NCKAP1: variants seen among roughly 807,000 people sequenced by gnomAD.
NCKAP1 encodes the protein NCK associated protein 1.
A neutral mutation model predicts 151.2 loss-of-function variants in NCKAP1; 21 were observed. The observed-to-expected ratio is 0.14, with a 90% CI of 0.10 to 0.20. The LOEUF (loss-of-function observed/expected upper bound fraction) is 0.20, where lower values mean the gene tolerates loss of function less well. Among genes scored for constraint, NCKAP1 ranks in the 10% least tolerant of loss-of-function variants. NCKAP1 has a pLI of 1.00. For missense variants in NCKAP1, 933 were observed against 1,352.1 expected (o/e 0.69, Z 4.86); for synonymous variants, 484 against 451.8 (o/e 1.07, Z -0.90).
At chr2:182,981,768 G>C (rs1273126963) in intron 12 of NCKAP1, among the ~76,000 whole-genome samples, 1 of 151,722 alleles carries the variant, frequency 6.6e-6, no homozygotes, top group Admixed American at 6.6e-5. Context: ...AGTTAGCTGG[G>C]CATGGTGGTG....
intron 18 of NCKAP1, among the ~76,000 whole-genome samples, chr2:182,960,568 T>C (rs1467330540): frequency 6.6e-6 from 1 of 152,174 alleles, no homozygotes; most frequent in African/African-American, 2.4e-5. Flanking sequence ...TTACACCTTA[T>C]ACAAAAGTTA....
At chr2:182,958,733 C>G (rs1326681909) in intron 18 of NCKAP1, among the ~76,000 whole-genome samples, 1 of 152,132 alleles carries the variant, frequency 6.6e-6, no homozygotes. Flanking sequence ...AAAAACCACA[C>G]AGGTACAAAT....
rs1334172036 is a variant in NCKAP1 at position 182,916,203 on chromosome 2, G to C, written c.*9499C>G. On this transcript the variant is annotated 3_prime_UTR_variant, in exon 31 of 31. Coordinates refer to ENST00000361354, the MANE Select transcript of NCKAP1 (RefSeq NM_013436.5). The stretch of plus-strand genomic sequence containing the variant: ...AAAAAAAAAAAAAACATGTCTCTGT[G>C]TCATCACTGAGCTGCTGCTATTACA... The C allele has an allele frequency of 7.0e-6, 1 of 141,950 alleles. No individual in the cohort carries two copies. The highest frequency in any genetic ancestry group is 2.6e-5 in the African/African-American group (1 of 38,790). The allele number at this position is 141,950 out of a possible 1,614,324, so 8.8% of individuals were successfully genotyped here.
At position 182,916,169 on chromosome 2, in the gene NCKAP1, C is replaced by CAAAAAAAAAAA. The variant is rs760047982; in HGVS notation, c.*9522_*9532dup. 2 of 87,908 alleles carry CAAAAAAAAAAA rather than the reference C, an allele frequency of 2.3e-5. No individual in the cohort carries two copies. The highest frequency in any genetic ancestry group is 4.2e-5 in the Non-Finnish European group (2 of 48,168). 5.4% of individuals were successfully genotyped at this position (87,908 alleles called of 1,614,324 possible). ...ACCTTGCTTCCCCTTCGCCTTCTGT[C>CAAAAAAAAAAA]AAAAAAAAAAAAAAAAAAAAAACAT... On this transcript the variant is annotated 3_prime_UTR_variant, in exon 31 of 31. Coordinates refer to ENST00000361354, the MANE Select transcript of NCKAP1 (RefSeq NM_013436.5).
chr2:183,022,540 A>T (rs1361370914), intron 2 of NCKAP1, among the ~76,000 whole-genome samples: 1 of 152,164 alleles, frequency 6.6e-6, no homozygotes, highest in Non-Finnish European at 1.5e-5. Flanking sequence ...TAATTCCAGC[A>T]CTTTAAGAGG....
chr2:182,967,167 T>C (rs753218858), intron 16 of NCKAP1, 49 bp downstream of exon 16: 9 of 1,516,160 alleles, frequency 5.9e-6, no homozygotes, highest in Non-Finnish European at 1.8e-6. Flanking sequence ...GAAACATATA[T>C]CGCATACTAA....
In NCKAP1 at chr2:182,914,398, T is replaced by C. The variant is rs1462031378; in HGVS notation, c.*11304A>G. 2 of 152,204 alleles carry C rather than the reference T, an allele frequency of 1.3e-5. No homozygotes were observed. Among genetic ancestry groups the C allele is most frequent in the African/African-American group, 4.8e-5 (2 of 41,456 alleles). The allele number at this position is 152,204 out of a possible 1,614,324, so 9.4% of individuals were successfully genotyped here. A position where few individuals can be genotyped will look rare whatever the true frequency, so the allele number is the denominator to read the frequency against. ...AATACATACCTGCTGCCAGGATGAA[T>C]AGATTAAAACAGGCAATTTCTATTT... On this transcript the variant is annotated 3_prime_UTR_variant, in exon 31 of 31. Coordinates refer to ENST00000361354, the MANE Select transcript of NCKAP1 (RefSeq NM_013436.5).
chr2:183,000,779 G>T (rs1285526199), intron 6 of NCKAP1, among the ~76,000 whole-genome samples: 1 of 152,082 alleles, frequency 6.6e-6, no homozygotes, highest in Admixed American at 6.6e-5. Context: ...AAAATTATTG[G>T]TGTTAACTGT....
In NCKAP1 at chr2:183,025,098, A is replaced by C. The variant is rs142852399; in HGVS notation, c.109-1182T>G. The C allele has an allele frequency of 1.3e-5, 13 of 1,013,480 alleles. No individual in the cohort carries two copies. In the East Asian group the frequency reaches 3.1e-4, roughly 24 times the overall value. 62.8% of individuals were successfully genotyped at this position (1,013,480 alleles called of 1,614,324 possible). ...GAAAACTTATGCACTGCAGACTATG[A>C]ATAACAGAACAAGATTAGAATTATA... On this transcript the variant is annotated intron_variant, in intron 1 of 30. Coordinates refer to ENST00000361354, the MANE Select transcript of NCKAP1 (RefSeq NM_013436.5).
rs552617560 is a variant in NCKAP1 at position 182,979,041 on chromosome 2, A to G, written c.1342-126T>C. 7 of 473,746 alleles carry G rather than the reference A, an allele frequency of 1.5e-5. No individual in the cohort carries two copies. In the South Asian group the frequency reaches 3.4e-4, roughly 23 times the overall value. The allele number at this position is 473,746 out of a possible 1,614,324, so 29.3% of individuals were successfully genotyped here. A position where few individuals can be genotyped will look rare whatever the true frequency, so the allele number is the denominator to read the frequency against. Reference sequence around the variant, plus strand: ...TATGGAATATTTTTCAGTAATAAAAAAGAAATGAAATTTTAACACACACCA... The same window carrying G: ...TATGGAATATTTTTCAGTAATAAAAGAGAAATGAAATTTTAACACACACCA... On this transcript the variant is annotated intron_variant, in intron 13 of 30. Coordinates refer to ENST00000361354, the MANE Select transcript of NCKAP1 (RefSeq NM_013436.5).
intron 26 of NCKAP1, among the ~76,000 whole-genome samples, chr2:182,933,764 G>A (rs2105803136): frequency 6.6e-6 from 1 of 152,160 alleles, no homozygotes; most frequent in Non-Finnish European, 1.5e-5. Context: ...AAGGAGTTTA[G>A]ACACTATTTT....
intron 6 of NCKAP1, among the ~76,000 whole-genome samples, chr2:182,996,504 C>A (rs1013252403): frequency 6.6e-6 from 1 of 152,154 alleles, no homozygotes; most frequent in Non-Finnish European, 1.5e-5. Context: ...TTTGCCCAAG[C>A]TGGAGTGCAG....
intron 30 of NCKAP1, 25 bp from the exon 31 acceptor site, chr2:182,925,843 A>C: frequency 7.6e-7 from 1 of 1,321,892 alleles, no homozygotes; most frequent in Non-Finnish European, 1.0e-6. Context: ...AAATCCATCA[A>C]AACAAGTTAT....
Position 182,913,873 on chromosome 2 carries a change from AC to A in NCKAP1, c.*11828del, listed in dbSNP as rs745580940. 1 of 152,228 alleles carries A rather than the reference AC, an allele frequency of 6.6e-6. No homozygotes were observed. Among genetic ancestry groups the A allele is most frequent in the Non-Finnish European group, 1.5e-5 (1 of 68,098 alleles). The allele number at this position is 152,228 out of a possible 1,614,324, so 9.4% of individuals were successfully genotyped here. A position where few individuals can be genotyped will look rare whatever the true frequency, so the allele number is the denominator to read the frequency against. On this transcript the variant is annotated 3_prime_UTR_variant, in exon 31 of 31. Transcript: ENST00000361354. Reference sequence around the variant, plus strand: ...CTCTGCCCCCACAGCCTGTGGAAATACAGGAAACTTCACAATGGTGCACAGT... The same window carrying A: ...CTCTGCCCCCACAGCCTGTGGAAATAAGGAAACTTCACAATGGTGCACAGT...
intron 2 of NCKAP1, among the ~76,000 whole-genome samples, chr2:183,006,959 C>A (rs1401583087): frequency 6.6e-6 from 1 of 152,064 alleles, no homozygotes; most frequent in Non-Finnish European, 1.5e-5. Flanking sequence ...GCAATCTCTG[C>A]CTTCCGAGTT....
chr2:182,989,983 C>T (rs889024217), intron 8 of NCKAP1, among the ~76,000 whole-genome samples: 1 of 150,768 alleles, frequency 6.6e-6, no homozygotes, highest in Non-Finnish European at 1.5e-5. Context: ...GAGCAAGACT[C>T]TGTCTCAAAA....
At chr2:182,970,609 G>C (rs1697667397) in intron 15 of NCKAP1, among the ~76,000 whole-genome samples, 1 of 152,036 alleles carries the variant, frequency 6.6e-6, no homozygotes, top group Non-Finnish European at 1.5e-5. Flanking sequence ...AACAAACTAG[G>C]TATGGAAGAA....
Position 182,928,968 on chromosome 2 carries a change from A to C in NCKAP1, c.2954-69T>G. The C allele has an allele frequency of 3.0e-6, 3 of 983,774 alleles. No homozygotes were observed. The South Asian group carries it at 5.1e-5, about 17-fold the overall frequency. The allele number at this position is 983,774 out of a possible 1,614,324, so 60.9% of individuals were successfully genotyped here. ...GATTAGTTAAGATTTGATAATCTAAACTAAACAGATTTTTATTTTAAAAAT... is the reference window on the plus strand; with the variant it reads ...GATTAGTTAAGATTTGATAATCTAACCTAAACAGATTTTTATTTTAAAAAT... On this transcript the variant is annotated intron_variant, in intron 27 of 30. Transcript: ENST00000361354.
chr2:182,980,918 T>G (rs1020856436), intron 13 of NCKAP1, among the ~76,000 whole-genome samples: 9 of 152,174 alleles, frequency 5.9e-5, no homozygotes, highest in Non-Finnish European at 1.3e-4. Flanking sequence ...GGGTGATCTT[T>G]TTAAGTAGTA....
Sources: gnomAD v4.1 joint callset for allele counts (sites outside exome capture counted in the v4.1 genomes callset) on GRCh38, gnomAD v4.1.1 for gene constraint, MANE v1.5 for transcripts, NCBI Gene and HGNC (gene_info 2026-07-23, HGNC 2026-07-21) for gene names.